The following STK32C variants were observed in gnomAD, a reference collection of about 807,000 sequenced individuals.
The protein encoded by STK32C is serine/threonine-protein kinase 32C.
A neutral mutation model predicts 56.5 loss-of-function variants in STK32C; 31 were observed. The ratio of observed to expected loss-of-function variants is 0.55; its 90% CI spans 0.41 to 0.74. The LOEUF is 0.74. Ranked by LOEUF, STK32C falls within the 30% of genes least tolerant of loss-of-function variation. The probability of loss-of-function intolerance (pLI) is 0.00; values close to 1 mark genes in which losing one functional copy is unlikely to be tolerated. For synonymous variants in STK32C, 309 were observed against 289.4 expected, an observed-to-expected ratio of 1.07 and a Z score of -0.69; for missense variants, 544 against 676.9, an observed-to-expected ratio of 0.80 and a Z score of 2.18.
intron 1 of STK32C, among the ~76,000 whole-genome samples, chr10:132,326,279 G>A (rs547887733): frequency 6.6e-6 from 1 of 152,232 alleles, no homozygotes; most frequent in South Asian, 2.1e-4. Context: ...TATTACGCCA[G>A]AGTCAGTTGG....
chr10:132,331,518 G>A (rs1243630131), exon 1 of STK32C: 1 of 1,612,792 alleles, frequency 6.2e-7, no homozygotes, highest in Non-Finnish European at 8.5e-7. Context: ...GCGTTCCCCT[G>A]GCAGCAAGTC....
chr10:132,302,532 T>A (rs539440625), intron 1 of STK32C, among the ~76,000 whole-genome samples: 1 of 152,204 alleles, frequency 6.6e-6, no homozygotes, highest in Admixed American at 6.5e-5. Flanking sequence ...GCCAGGACCA[T>A]AGGCCTCCTC....
chr10:132,301,043 G>C (rs964107046), intron 1 of STK32C, among the ~76,000 whole-genome samples: 5 of 151,214 alleles, frequency 3.3e-5, no homozygotes, highest in African/African-American at 1.2e-4. Context: ...ACTAACGTGA[G>C]CCCAGATTCA....
intron 2 of STK32C, among the ~76,000 whole-genome samples, chr10:132,231,784 G>A (rs1039998612): frequency 1.3e-5 from 2 of 152,198 alleles, no homozygotes; most frequent in African/African-American, 2.4e-5. Context: ...CAGAGGCAGT[G>A]ATGTGAAGAT....
chr10:132,316,771 A>ATTT (rs912409066), intron 1 of STK32C, among the ~76,000 whole-genome samples: 98 of 152,322 alleles, frequency 6.4e-4, no homozygotes, highest in African/African-American at 2.3e-3. Context: ...GATACTTAAA[A>ATTT]GAGTCCAGGC....
At chr10:132,213,554 C>A (rs1284850955) in intron 10 of STK32C, among the ~76,000 whole-genome samples, 1 of 152,248 alleles carries the variant, frequency 6.6e-6, no homozygotes, top group African/African-American at 2.4e-5. Context: ...ACACTAAAGG[C>A]CCATCTACTT....
intron 2 of STK32C, among the ~76,000 whole-genome samples, chr10:132,239,794 T>C (rs1590224217): frequency 6.6e-6 from 1 of 151,864 alleles, no homozygotes; most frequent in African/African-American, 2.4e-5. Flanking sequence ...ATGTGAGGGG[T>C]CACTCACGGC....
chr10:132,269,176 A>G (rs1408226529), intron 1 of STK32C, among the ~76,000 whole-genome samples: 1 of 150,786 alleles, frequency 6.6e-6, no homozygotes, highest in Non-Finnish European at 1.5e-5. Flanking sequence ...TGCATGTGTC[A>G]CATCGTGTGT....
Position 132,228,167 on chromosome 10 carries a change from C to T in STK32C, c.319-39G>A, listed in dbSNP as rs371378104. On this transcript the variant is annotated intron_variant, in intron 2 of 11. Coordinates refer to ENST00000298630, the MANE Select transcript of STK32C (RefSeq NM_173575.4). ...GGCTGTTCGGCAGGACGCCTGAGGA[C>T]GCCTGGGGACACGTGGGGACACCTG... The T allele has an allele frequency of 3.8e-5, 62 of 1,613,444 alleles. No homozygotes were observed. The African/African-American group carries it at 4.1e-4, about 11-fold the overall frequency.
intron 1 of STK32C, among the ~76,000 whole-genome samples, chr10:132,267,748 TCGGTGC>T (rs2064614708): frequency 2.2e-5 from 3 of 135,192 alleles, no homozygotes; most frequent in African/African-American, 6.0e-5. Context: ...TGTGTGTGTG[TCGGTGC>T]GTGTGCATGC....
intron 1 of STK32C, among the ~76,000 whole-genome samples, chr10:132,259,792 G>C (rs1425246630): frequency 1.3e-5 from 2 of 152,212 alleles, no homozygotes; most frequent in African/African-American, 2.4e-5. Context: ...AGGAAACCAT[G>C]GCCGGCATTC....
intron 1 of STK32C, among the ~76,000 whole-genome samples, chr10:132,262,628 T>C (rs928469687): frequency 1.3e-5 from 2 of 151,594 alleles, no homozygotes; most frequent in African/African-American, 4.9e-5. Context: ...ACGGGTAAGA[T>C]ACAGCTGGGC....
chr10:132,316,514 G>A (rs1003416214), intron 1 of STK32C, among the ~76,000 whole-genome samples: 1 of 152,152 alleles, frequency 6.6e-6, no homozygotes, highest in African/African-American at 2.4e-5. Context: ...TGCTACTCGG[G>A]AGGCTAAGGC....
upstream of STK32C, among the ~76,000 whole-genome samples, chr10:132,310,297 G>A (rs1161878265): frequency 3.9e-5 from 6 of 152,210 alleles, no homozygotes; most frequent in South Asian, 2.1e-4. The surrounding 1 kb of genome is among the most constrained non-coding windows in gnomAD (Gnocchi z 4.6). Flanking sequence ...AAAGAATGCC[G>A]GGTCCTAAGA....
chr10:132,237,557 G>A (rs1565094509), intron 2 of STK32C, among the ~76,000 whole-genome samples: 2 of 152,224 alleles, frequency 1.3e-5, no homozygotes, highest in Admixed American at 6.5e-5. Context: ...ACTCTGCGCC[G>A]AGGTCCCCAC....
chr10:132,214,188 T>TA (rs1259241740), intron 10 of STK32C, among the ~76,000 whole-genome samples: 117 of 146,076 alleles, frequency 8.0e-4, no homozygotes, highest in African/African-American at 2.6e-3. Flanking sequence ...GAATGAATAT[T>TA]AAAAAAAAAT....
chr10:132,224,838 G>A (rs1056612158), intron 7 of STK32C, among the ~76,000 whole-genome samples: 5 of 152,128 alleles, frequency 3.3e-5, no homozygotes, highest in African/African-American at 1.2e-4. Context: ...AGGGCTGAGG[G>A]GTACGGTCCA....
chr10:132,300,689 T>C (rs2138365014), intron 1 of STK32C, among the ~76,000 whole-genome samples: 1 of 152,262 alleles, frequency 6.6e-6, no homozygotes, highest in South Asian at 2.1e-4. Flanking sequence ...GGGGCCTGCG[T>C]CTCTGCCCAC....
intron 1 of STK32C, among the ~76,000 whole-genome samples, chr10:132,267,542 GC>G (rs1184676776): frequency 6.1e-5 from 8 of 131,108 alleles, no homozygotes; most frequent in Non-Finnish European, 1.6e-5. Flanking sequence ...TGCATGTTCA[GC>G]TCTATGCCTG....
Sources: allele counts gnomAD v4.1 joint callset (sites outside exome capture counted in the v4.1 genomes callset), GRCh38; gene constraint gnomAD v4.1.1; non-coding constraint Gnocchi (gnomAD v3.1); transcripts MANE v1.5; gene names NCBI Gene and HGNC (gene_info 2026-07-23, HGNC 2026-07-21).